ITPR2: variants seen among roughly 807,000 people sequenced by gnomAD.
ITPR2 encodes inositol 1,4,5-trisphosphate-gated calcium channel ITPR2.
ITPR2 carries 207 observed loss-of-function variants against 317.1 expected under a neutral mutation model. That is an observed-to-expected ratio of 0.65 (90% CI 0.58 to 0.73). The LOEUF is 0.73. ITPR2 is among the 30% of genes least tolerant of loss of function. The pLI, the probability that ITPR2 is intolerant of heterozygous loss-of-function variation, is 0.00. For synonymous variants in ITPR2, 1,156 were observed against 1,149.1 expected (o/e 1.01, Z -0.12); for missense variants, 2,613 against 3,284.0 (o/e 0.80, Z 4.99).
At chr12:26,394,187 C>G (rs574900466) in intron 54 of ITPR2, among the ~76,000 whole-genome samples, 141 of 152,256 alleles carry the variant, frequency 9.3e-4, no homozygotes, top group Middle Eastern at 3.4e-3. Context: ...GGAACAATAG[C>G]TCAGGATGAT....
chr12:26,792,170 A>G lies in ITPR2; in HGVS notation c.93-1943T>C, dbSNP rs1189238181. 2.6e-5 allele frequency among the ~76,000 whole-genome samples: 4 copies of G among 152,236 alleles called. No individual in the cohort carries two copies. In the East Asian group the frequency reaches 5.8e-4, roughly 22 times the overall value. On this transcript the variant is annotated intron_variant, in intron 1 of 56. Transcript: ENST00000381340. ...CCCAGATAAAAACATAATAATTAAG[A>G]GTGACTTCAGTTCTAAAAATTTGTC... is the stretch of plus-strand genomic sequence containing the variant.
intron 39 of ITPR2, among the ~76,000 whole-genome samples, chr12:26,493,442 G>C (rs1591828188): frequency 2.0e-5 from 3 of 152,260 alleles, no homozygotes; most frequent in Non-Finnish European, 4.4e-5. Flanking sequence ...GAAAGAGCAG[G>C]CTACCGAGCA....
intron 13 of ITPR2, among the ~76,000 whole-genome samples, chr12:26,675,428 T>G (rs1947885475): frequency 1.3e-5 from 2 of 152,124 alleles, no homozygotes; most frequent in Admixed American, 6.5e-5. Context: ...ATCATCATTC[T>G]CAGTAAACTA....
intron 37 of ITPR2, among the ~76,000 whole-genome samples, chr12:26,502,526 T>C (rs557429700): frequency 2.0e-5 from 3 of 152,188 alleles, no homozygotes; most frequent in South Asian, 2.1e-4. Flanking sequence ...AAAAACCTAC[T>C]AGAGTACTGT....
chr12:26,481,460 T>C (rs1398082267), intron 42 of ITPR2, among the ~76,000 whole-genome samples: 2 of 152,256 alleles, frequency 1.3e-5, no homozygotes, highest in Non-Finnish European at 2.9e-5. Flanking sequence ...AGCGAGACAC[T>C]GCATGAAGCA....
intron 9 of ITPR2, among the ~76,000 whole-genome samples, chr12:26,710,550 T>C (rs1948627675): frequency 6.6e-6 from 1 of 152,226 alleles, no homozygotes; most frequent in Admixed American, 6.5e-5. Flanking sequence ...CAAAATTATT[T>C]TTCAATTAGA....
intron 39 of ITPR2, among the ~76,000 whole-genome samples, chr12:26,489,483 T>A (rs1448750248): frequency 6.6e-6 from 1 of 152,214 alleles, no homozygotes; most frequent in Non-Finnish European, 1.5e-5. Flanking sequence ...TTGAAACCTA[T>A]CTCTATCTCT....
At chr12:26,629,039 A>C (rs1946687284) in intron 22 of ITPR2, among the ~76,000 whole-genome samples, 1 of 152,168 alleles carries the variant, frequency 6.6e-6, no homozygotes, top group Non-Finnish European at 1.5e-5. Flanking sequence ...CATTCTCAAA[A>C]GTGTCGTATT....
At chr12:26,788,984 C>T (rs568027841) in intron 2 of ITPR2, among the ~76,000 whole-genome samples, 15 of 152,198 alleles carry the variant, frequency 9.9e-5, no homozygotes, top group Non-Finnish European at 2.2e-4. Flanking sequence ...TAGTAGCCTA[C>T]GTGTCCCCTC....
chr12:26,588,877 T>C (rs940989202), intron 32 of ITPR2, among the ~76,000 whole-genome samples: 1 of 152,216 alleles, frequency 6.6e-6, no homozygotes, highest in Non-Finnish European at 1.5e-5. Flanking sequence ...CTTAGAGTAC[T>C]GTTGGTCCTT....
intron 45 of ITPR2, among the ~76,000 whole-genome samples, chr12:26,459,491 G>C (rs1158654019): frequency 6.6e-6 from 1 of 152,216 alleles, no homozygotes; most frequent in Non-Finnish European, 1.5e-5. Flanking sequence ...GATTGTTCTT[G>C]GAAGGCTGCT....
intron 23 of ITPR2, among the ~76,000 whole-genome samples, chr12:26,626,617 A>T (rs1174094631): frequency 6.6e-6 from 1 of 152,262 alleles, no homozygotes; most frequent in East Asian, 1.9e-4. Context: ...AAGCAGAAAA[A>T]CAACACCATT....
At chr12:26,677,506 G>T (rs150727904) in intron 13 of ITPR2, among the ~76,000 whole-genome samples, 84 of 152,038 alleles carry the variant, frequency 5.5e-4, no homozygotes, top group African/African-American at 1.8e-3. Flanking sequence ...AGTCTGAGGT[G>T]GGAGGATCAC....
chr12:26,512,821 ATTT>A (rs371730693), intron 37 of ITPR2, among the ~76,000 whole-genome samples: 12 of 135,390 alleles, frequency 8.9e-5, no homozygotes, highest in South Asian at 2.4e-4. Context: ...AAGGGAAACA[ATTT>A]TTTTTTTTTT....
chr12:26,397,563 C>T (rs1940038406), intron 54 of ITPR2, among the ~76,000 whole-genome samples: 1 of 151,932 alleles, frequency 6.6e-6, no homozygotes, highest in African/African-American at 2.4e-5. Flanking sequence ...CAAAATAGAT[C>T]GTGAACACCC....
Position 26,487,254 on chromosome 12 carries a change from G to T in ITPR2, c.5371-3C>A, listed in dbSNP as rs759266123. ...TGCAACTGCTGGTAGAAAGAATACT[G>T]CAAGAAAACATATTTTAAGACATCA... On this transcript the variant is annotated splice_polypyrimidine_tract_variant and splice_region_variant and intron_variant, in intron 39 of 56. Transcript: ENST00000381340. 3.8e-6 allele frequency: 6 copies of T among 1,584,676 alleles called. No homozygotes were observed. The highest frequency in any genetic ancestry group is 5.1e-6 in the Non-Finnish European group (6 of 1,168,722).
intron 38 of ITPR2, 85 bp downstream of exon 38, chr12:26,495,067 C>A (rs1942901595): frequency 1.3e-6 from 1 of 772,530 alleles, no homozygotes; most frequent in Non-Finnish European, 2.3e-6. Context: ...TATATATCTG[C>A]CATTTCAGTA....
chr12:26,783,236 T>G (rs972073051), intron 2 of ITPR2, among the ~76,000 whole-genome samples: 2 of 152,208 alleles, frequency 1.3e-5, no homozygotes, highest in Non-Finnish European at 2.9e-5. Flanking sequence ...AAACAACTGA[T>G]TGTTGCTTGC....
intron 45 of ITPR2, among the ~76,000 whole-genome samples, chr12:26,461,800 T>C (rs1319376197): frequency 2.0e-5 from 3 of 151,618 alleles, no homozygotes; most frequent in Non-Finnish European, 2.9e-5. Context: ...TCTCTAAAAT[T>C]GATCACATTT....
Sources: allele counts gnomAD v4.1 joint callset (sites outside exome capture counted in the v4.1 genomes callset), GRCh38; gene constraint gnomAD v4.1.1; transcripts MANE v1.5; gene names NCBI Gene and HGNC (gene_info 2026-07-23, HGNC 2026-07-21).